RANBP2: variants seen among roughly 807,000 people sequenced by gnomAD.
The protein encoded by RANBP2 is RAN binding protein 2.
A neutral mutation model predicts 303.6 loss-of-function variants in RANBP2; 57 were observed. That is an observed-to-expected ratio of 0.19 (90% CI 0.15 to 0.23). RANBP2 has a LOEUF of 0.23. Ranked by LOEUF, RANBP2 falls within the 10% of genes least tolerant of loss-of-function variation. The pLI is 1.00. For missense variants in RANBP2, 3,138 were observed against 3,780.8 expected (o/e 0.83, Z 4.46); for synonymous variants, 1,167 against 1,301.5 (o/e 0.90, Z 2.23).
At chr2:109,257,776 G>A in the RANBP2 span, among the ~76,000 whole-genome samples, 2 of 152,172 alleles carry the variant, frequency 1.3e-5, no homozygotes, top group Admixed American at 6.5e-5. Flanking sequence ...AACAAGGGCT[G>A]AAAATGTATG....
At chr2:109,131,850 A>T in the RANBP2 span, among the ~76,000 whole-genome samples, 1 of 152,140 alleles carries the variant, frequency 6.6e-6, no homozygotes, top group Non-Finnish European at 1.5e-5. Flanking sequence ...ATGTTTCTGG[A>T]TGTTGTTTAA....
chr2:109,777,343 G>T, the RANBP2 span, among the ~76,000 whole-genome samples: 19 of 147,626 alleles, frequency 1.3e-4, no homozygotes, highest in East Asian at 1.4e-3. Flanking sequence ...TACTTTAATA[G>T]ACTTTAATCT....
chr2:108,905,679 G>T, the RANBP2 span, among the ~76,000 whole-genome samples: 1 of 152,156 alleles, frequency 6.6e-6, no homozygotes, highest in East Asian at 1.9e-4. Flanking sequence ...AGCCATGAGG[G>T]ATTTATCTTT....
chr2:108,731,023 C>G lies in RANBP2; in HGVS notation c.252+138C>G. On this transcript the variant is annotated intron_variant, in intron 3 of 28. Transcript: ENST00000283195. ...ATCATAGTACAGTTACGTGACACAG[C>G]TTGGAACAGATTTAGAATTGTTTAA... The G allele has an allele frequency of 2.6e-6, 3 of 1,148,316 alleles. No individual in the cohort carries two copies. In the Admixed American group the frequency reaches 6.7e-5, roughly 26 times the overall value. 71.1% of individuals were successfully genotyped at this position (1,148,316 alleles called of 1,614,324 possible).
chr2:109,501,437 G>A, the RANBP2 span: 7 of 688,744 alleles, frequency 1.0e-5, no homozygotes, highest in Non-Finnish European at 1.9e-5. Flanking sequence ...GAGGGAAGAA[G>A]AGAAAGCACG....
the RANBP2 span, among the ~76,000 whole-genome samples, chr2:109,009,786 A>T: frequency 7.0e-6 from 1 of 143,656 alleles, no homozygotes; most frequent in Non-Finnish European, 1.5e-5. Flanking sequence ...GGCTCAAGCC[A>T]TTCTCCCACC....
the RANBP2 span, among the ~76,000 whole-genome samples, chr2:109,579,312 A>AT: frequency 3.3e-5 from 5 of 151,542 alleles, no homozygotes; most frequent in Non-Finnish European, 7.4e-5. Flanking sequence ...CCAGGCACTG[A>AT]TTTTTTTTAT....
the RANBP2 span, among the ~76,000 whole-genome samples, chr2:109,004,617 G>T: frequency 6.6e-6 from 1 of 152,094 alleles, no homozygotes; most frequent in Non-Finnish European, 1.5e-5. Context: ...GCGAGAAGAG[G>T]GTGGAGCAAA....
the RANBP2 span, among the ~76,000 whole-genome samples, chr2:109,300,117 C>T: frequency 8.5e-5 from 13 of 152,276 alleles, 1 homozygote; most frequent in East Asian, 5.8e-4. Flanking sequence ...CATTTGATGA[C>T]AGCTAGGTGC....
the RANBP2 span, among the ~76,000 whole-genome samples, chr2:109,108,157 G>T: frequency 6.6e-6 from 1 of 151,866 alleles, no homozygotes; most frequent in Non-Finnish European, 1.5e-5. Context: ...CGCCCACCTT[G>T]GCCTCCCAAA....
At chr2:109,496,567 C>G in the RANBP2 span, among the ~76,000 whole-genome samples, 1 of 152,188 alleles carries the variant, frequency 6.6e-6, no homozygotes, top group Non-Finnish European at 1.5e-5. Context: ...ACGGCCTGGC[C>G]GACTCCTGCC....
chr2:108,786,974 C>T (rs576816775), downstream of RANBP2: 2,778 of 1,208,592 alleles, frequency 2.3e-3, 8 homozygotes, highest in Non-Finnish European at 2.5e-3. Context: ...CGGCCCGCTC[C>T]GTGCCCCGCG....
At chr2:109,107,871 G>A in the RANBP2 span, among the ~76,000 whole-genome samples, 1 of 151,824 alleles carries the variant, frequency 6.6e-6, no homozygotes, top group African/African-American at 2.4e-5. Flanking sequence ...GAGTAGCTGG[G>A]ATTACAGGCG....
At chr2:109,333,707 C>A in the RANBP2 span, among the ~76,000 whole-genome samples, 1 of 152,270 alleles carries the variant, frequency 6.6e-6, no homozygotes, top group South Asian at 2.1e-4. Flanking sequence ...AATTCTGAAA[C>A]CAAACTGCTA....
chr2:108,753,777 T>C, intron 14 of RANBP2, 48 bp from the exon 15 acceptor site: 1 of 1,611,604 alleles, frequency 6.2e-7, no homozygotes, highest in East Asian at 2.2e-5. Context: ...AGCTAAAAGT[T>C]TTTTGTTTTA....
the RANBP2 span, among the ~76,000 whole-genome samples, chr2:109,404,733 C>G: frequency 6.6e-6 from 1 of 152,170 alleles, no homozygotes; most frequent in African/African-American, 2.4e-5. Context: ...CATTGACCTA[C>G]TGCTTCCTCT....
the RANBP2 span, chr2:109,615,503 G>A: frequency 4.3e-6 from 7 of 1,613,664 alleles, no homozygotes; most frequent in African/African-American, 1.3e-5. Context: ...ACGCCAGGAC[G>A]AGCGGGGGTT....
the RANBP2 span, among the ~76,000 whole-genome samples, chr2:109,566,823 T>C: frequency 6.6e-6 from 1 of 152,186 alleles, no homozygotes; most frequent in African/African-American, 2.4e-5. Flanking sequence ...CTGGTCTGTC[T>C]GAAGTTGAGG....
At chr2:108,793,326 C>T in the RANBP2 span, among the ~76,000 whole-genome samples, 2 of 151,960 alleles carry the variant, frequency 1.3e-5, no homozygotes, top group Admixed American at 6.6e-5. Flanking sequence ...GAGTGAGACT[C>T]CGTCTCAAAA....
Sources: gnomAD v4.1 joint callset for allele counts (sites outside exome capture counted in the v4.1 genomes callset) on GRCh38, gnomAD v4.1.1 for gene constraint, MANE v1.5 for transcripts, NCBI Gene and HGNC (gene_info 2026-07-23, HGNC 2026-07-21) for gene names.